PLCL2: variants seen among roughly 807,000 people sequenced by gnomAD.
PLCL2 encodes the protein inactive phospholipase C-like protein 2.
A neutral mutation model predicts 79.6 loss-of-function variants in PLCL2; 4 were observed. That is an observed-to-expected ratio of 0.05 (90% CI 0.02 to 0.11). PLCL2 has a LOEUF of 0.11. Among genes scored for constraint, PLCL2 ranks in the 10% least tolerant of loss-of-function variants. The pLI is 1.00. For synonymous variants in PLCL2, 484 were observed against 457.7 expected (o/e 1.06, Z -0.73); for missense variants, 895 against 1,291.0 (o/e 0.69, Z 4.70).
chr3:16,970,969 A>G (rs1455829624), intron 1 of PLCL2, among the ~76,000 whole-genome samples: 3 of 152,068 alleles, frequency 2.0e-5, no homozygotes, highest in African/African-American at 7.2e-5. Context: ...TTAGCCTTTT[A>G]TCAGATAAGT....
intron 1 of PLCL2, among the ~76,000 whole-genome samples, chr3:16,916,946 C>T (rs1287638200): frequency 1.3e-5 from 2 of 152,164 alleles, no homozygotes; most frequent in Non-Finnish European, 2.9e-5. Flanking sequence ...TATCTCCCCA[C>T]CTCCCCTTGC....
chr3:17,074,776 A>C (rs1367477575), intron 5 of PLCL2, among the ~76,000 whole-genome samples: 1 of 152,178 alleles, frequency 6.6e-6, no homozygotes, highest in Non-Finnish European at 1.5e-5. Context: ...TAAACCTATG[A>C]CCCAACCACT....
At chr3:16,988,126 A>G (rs1020516358) in intron 1 of PLCL2, among the ~76,000 whole-genome samples, 1 of 152,182 alleles carries the variant, frequency 6.6e-6, no homozygotes, top group South Asian at 2.1e-4. Context: ...TGCTAAAAGT[A>G]AAAAGGTCGT....
intron 3 of PLCL2, among the ~76,000 whole-genome samples, chr3:17,033,146 C>T (rs371589611): frequency 9.2e-5 from 14 of 152,182 alleles, no homozygotes; most frequent in African/African-American, 3.1e-4. Flanking sequence ...TAGGTACTAC[C>T]CTAGCTCTGA....
At chr3:17,006,048 C>A (rs184432166) in intron 1 of PLCL2, among the ~76,000 whole-genome samples, 1 of 152,176 alleles carries the variant, frequency 6.6e-6, no homozygotes, top group Admixed American at 6.5e-5. Flanking sequence ...ATGGTTAATG[C>A]ATGTGAGTAT....
Position 17,010,171 on chromosome 3 carries a change from G to A in PLCL2, c.825G>A (p.Met275Ile), listed in dbSNP as rs1453443221. The A allele has an allele frequency of 6.2e-7, 1 of 1,612,882 alleles. No individual in the cohort carries two copies. The highest frequency in any genetic ancestry group is 8.5e-7 in the Non-Finnish European group (1 of 1,178,874). ...DNMRTSWVSQ[M>I]FSEIDVDNLG... is the part of the protein sequence containing the mutation. ...TGAGGACTTCTTGGGTTTCACAAAT[G>A]TTTAGTGAAATTGATGTAGATAACC... The change falls in exon 2 of 6, where the codon ATG (methionine) becomes ATA (isoleucine). Residue 275 changes from methionine (M) to isoleucine (I), a missense_variant. Around this residue, in one of 6 missense-constraint regions of PLCL2, gnomAD observed 129 missense variants for 208.8 expected, o/e 0.62. Transcript: ENST00000615277. The surrounding 1 kb of genome is among the most constrained non-coding windows in gnomAD (Gnocchi z 5.8).
chr3:16,999,489 G>A (rs2064185366), intron 1 of PLCL2, among the ~76,000 whole-genome samples: 1 of 152,178 alleles, frequency 6.6e-6, no homozygotes, highest in African/African-American at 2.4e-5. Context: ...TCCAGGCAGT[G>A]TTTAGAGCAG....
intron 1 of PLCL2, among the ~76,000 whole-genome samples, chr3:16,997,885 C>A (rs1448472460): frequency 6.6e-6 from 1 of 151,916 alleles, no homozygotes; most frequent in East Asian, 1.9e-4. Context: ...TAAAAAAGGC[C>A]CCAGGAAGAA....
chr3:16,971,275 A>C (rs565775839), intron 1 of PLCL2, among the ~76,000 whole-genome samples: 17 of 152,168 alleles, frequency 1.1e-4, no homozygotes, highest in East Asian at 5.8e-4. Context: ...TCAGCTTTCT[A>C]CATATGGCTA....
chr3:16,998,199 A>AT (rs11425532), intron 1 of PLCL2, among the ~76,000 whole-genome samples: 88,254 of 151,466 alleles, frequency 0.58, 25,915 homozygotes, highest in South Asian at 0.64. Context: ...GAGGAAAATA[A>AT]TTTTTTTTTC....
At chr3:16,923,163 A>G (rs1697162013) in intron 1 of PLCL2, among the ~76,000 whole-genome samples, 3 of 152,212 alleles carry the variant, frequency 2.0e-5, no homozygotes, top group Admixed American at 2.0e-4. Flanking sequence ...ACTCTACAAC[A>G]TCTAGGGTAG....
intron 1 of PLCL2, among the ~76,000 whole-genome samples, chr3:16,923,838 A>C (rs1269548324): frequency 6.6e-6 from 1 of 151,992 alleles, no homozygotes; most frequent in African/African-American, 2.4e-5. Context: ...AGATTGGGTA[A>C]TCTCAAGTGA....
At position 16,885,062 on chromosome 3, in the gene PLCL2, G is replaced by A. The variant is rs1228277096; in HGVS notation, c.23G>A (p.Gly8Asp). 9,387 of 375,286 alleles carry A rather than the reference G, an allele frequency of 0.025. 170 individuals are homozygous for A. The highest frequency in any genetic ancestry group is 0.035 in the Middle Eastern group (51 of 1,452). The allele number at this position is 375,286 out of a possible 1,614,324, so 23.2% of individuals were successfully genotyped here. A position where few individuals can be genotyped will look rare whatever the true frequency, so the allele number is the denominator to read the frequency against. ...CCCATGGCGGAGTGCGGCCGGGGGG[G>A]CGCCGCCGGCGGGGCCCTGCCCACC... The part of the protein sequence containing the change: MAECGRG[G>D]AAGGALPTSP... The change falls in exon 1 of 6, where the codon GGC (glycine) becomes GAC (aspartate). Residue 8 changes from glycine to aspartate, a missense_variant. Physicochemically the swap from Gly to Asp is moderately conservative, Grantham distance 94. Coordinates refer to ENST00000615277, the MANE Select transcript of PLCL2 (RefSeq NM_001144382.2).
At chr3:17,074,355 G>A (rs1245840420) in intron 5 of PLCL2, among the ~76,000 whole-genome samples, 1 of 152,170 alleles carries the variant, frequency 6.6e-6, no homozygotes, top group African/African-American at 2.4e-5. Context: ...AAATATTCAG[G>A]AAACCATGCT....
intron 5 of PLCL2, among the ~76,000 whole-genome samples, chr3:17,076,432 T>C (rs1229652714): frequency 6.6e-6 from 1 of 152,092 alleles, no homozygotes; most frequent in African/African-American, 2.4e-5. Flanking sequence ...CAATTATATG[T>C]ATAAATATAC....
At chr3:17,047,644 C>T (rs573049041) in intron 4 of PLCL2, among the ~76,000 whole-genome samples, 1 of 152,162 alleles carries the variant, frequency 6.6e-6, no homozygotes, top group Non-Finnish European at 1.5e-5. Context: ...TCTTATCCAT[C>T]CCTGCTTTCT....
intron 1 of PLCL2, among the ~76,000 whole-genome samples, chr3:16,925,223 AG>A (rs1697218837): frequency 1.6e-5 from 2 of 124,850 alleles, no homozygotes; most frequent in South Asian, 5.7e-4. Flanking sequence ...GCGCCCGGCC[AG>A]GGTTTTTTTT....
At chr3:16,891,795 T>C (rs2124914895) in intron 1 of PLCL2, among the ~76,000 whole-genome samples, 1 of 152,350 alleles carries the variant, frequency 6.6e-6, no homozygotes, top group East Asian at 1.9e-4. Context: ...CAACCTATGC[T>C]GGAGCCCCAT....
chr3:16,896,554 A>G (rs545561899), intron 1 of PLCL2, among the ~76,000 whole-genome samples: 1 of 152,340 alleles, frequency 6.6e-6, no homozygotes, highest in Admixed American at 6.5e-5. Context: ...GCTCATAATA[A>G]AACTTTGAGA....
Sources: gnomAD v4.1 joint callset for allele counts (sites outside exome capture counted in the v4.1 genomes callset) on GRCh38, gnomAD v4.1.1 for gene constraint, gnomAD v4.1.1 regional missense constraint, Gnocchi (gnomAD v3.1) non-coding constraint, MANE v1.5 for transcripts, NCBI Gene and HGNC (gene_info 2026-07-23, HGNC 2026-07-21) for gene names.